DNAAF6: variants seen among roughly 807,000 people sequenced by gnomAD.
DNAAF6 encodes the protein dynein axonemal assembly factor 6.
DNAAF6 carries 3 observed loss-of-function variants against 13.7 expected under a neutral mutation model. The ratio of observed to expected loss-of-function variants is 0.22; its 90% CI spans 0.10 to 0.56. The LOEUF (loss-of-function observed/expected upper bound fraction) is 0.56. Among genes scored for constraint, DNAAF6 ranks in the 20% least tolerant of loss-of-function variants. The pLI, the probability that DNAAF6 is intolerant of heterozygous loss-of-function variation, is 0.92. For missense variants in DNAAF6, 130 were observed against 151.0 expected, an observed-to-expected ratio of 0.86 and a Z score of 0.73; for synonymous variants, 54 against 49.2, an observed-to-expected ratio of 1.10 and a Z score of -0.41.
chrX:107,235,946 GCAAGACCC>G (rs1225732258), intron 5 of DNAAF6, among the ~76,000 whole-genome samples: 78 of 104,021 alleles, frequency 7.5e-4, no homozygotes, highest in Non-Finnish European at 1.4e-3. Context: ...GAGCAATATA[GCAAGACCC>G]CATCTCTACA....
Position 107,211,994 on chromosome X carries a change from C to G in DNAAF6, c.-3-879C>G, listed in dbSNP as rs192287208. Reference sequence around the variant, plus strand: ...AATGACTATTTTGAAATATAACATTCAGATGAATTTAGTCATGCTTCATTT... The same window carrying G: ...AATGACTATTTTGAAATATAACATTGAGATGAATTTAGTCATGCTTCATTT... On this transcript the variant is annotated intron_variant, in intron 1 of 6. Coordinates refer to ENST00000372453, the MANE Select transcript of DNAAF6 (RefSeq NM_173494.2). Among the ~76,000 whole-genome samples, 5 of 111,725 alleles carry G rather than the reference C, an allele frequency of 4.5e-5. No individual in the cohort carries two copies. In the East Asian group the frequency reaches 1.4e-3, roughly 31 times the overall value.
intron 5 of DNAAF6, among the ~76,000 whole-genome samples, chrX:107,225,069 C>T (rs1033671311): frequency 1.9e-5 from 2 of 108,022 alleles, no homozygotes; most frequent in Non-Finnish European, 3.8e-5. Context: ...GGAAAGGTAT[C>T]CAGGCATGAA....
At position 107,213,002 on chromosome X, in the gene DNAAF6, G is replaced by T; in HGVS notation, c.127G>T (p.Glu43Ter). 1 of 1,200,853 alleles carries T rather than the reference G, an allele frequency of 8.3e-7. No homozygotes were observed. The highest frequency in any genetic ancestry group is 1.1e-6 in the Non-Finnish European group (1 of 891,521). ...CCTCTCTAAGCTACTTAATCCTGAAGAAGAGGATGATTCTGACTATGGACA... is the reference window on the plus strand; with the variant it reads ...CCTCTCTAAGCTACTTAATCCTGAATAAGAGGATGATTCTGACTATGGACA... ...EALSKLLNPEEEDDSDYGQTN... is the reference protein window; with the variant it reads ...EALSKLLNPE Residue 43 changes from glutamate (E) to a stop codon, truncating the protein, a stop_gained, in exon 2 of 7, where the codon GAA becomes TAA. Coordinates refer to ENST00000372453, the MANE Select transcript of DNAAF6 (RefSeq NM_173494.2). LOFTEE classifies it high-confidence loss of function.
At chrX:107,215,016 G>C (rs1280699651) in intron 2 of DNAAF6, among the ~76,000 whole-genome samples, 1 of 111,071 alleles carries the variant, frequency 9.0e-6, no homozygotes, top group Non-Finnish European at 1.9e-5. Context: ...ATTATAACGA[G>C]GATGTTCTGT....
chrX:107,225,279 G>A (rs1928230294), intron 5 of DNAAF6, among the ~76,000 whole-genome samples: 1 of 110,942 alleles, frequency 9.0e-6, no homozygotes, highest in African/African-American at 3.3e-5. Context: ...AGAGTAAATA[G>A]GTTGTTGAGC....
chrX:107,236,368 T>C (rs1367383232), intron 5 of DNAAF6, among the ~76,000 whole-genome samples: 4 of 112,132 alleles, frequency 3.6e-5, no homozygotes, highest in Non-Finnish European at 7.5e-5. Context: ...CTATATTTAC[T>C]AATGTTTAAC....
intron 4 of DNAAF6, among the ~76,000 whole-genome samples, chrX:107,220,178 A>G (rs2070301801): frequency 1.8e-5 from 2 of 112,386 alleles, no homozygotes; most frequent in Non-Finnish European, 3.8e-5. Context: ...AAACAGAAGC[A>G]GTGGGAGACT....
At chrX:107,235,015 A>C (rs1189877599) in intron 5 of DNAAF6, among the ~76,000 whole-genome samples, 1 of 111,833 alleles carries the variant, frequency 8.9e-6, no homozygotes, top group Non-Finnish European at 1.9e-5. Context: ...TCACTCAATA[A>C]TGACTCCCTA....
intron 3 of DNAAF6, among the ~76,000 whole-genome samples, chrX:107,217,209 T>A (rs1928014032): frequency 2.7e-5 from 3 of 111,911 alleles, no homozygotes; most frequent in African/African-American, 9.7e-5. Context: ...TCCACATTCC[T>A]TGCATATTTT....
intron 2 of DNAAF6, among the ~76,000 whole-genome samples, chrX:107,216,344 G>A (rs1198923390): frequency 9.0e-6 from 1 of 111,387 alleles, no homozygotes; most frequent in Non-Finnish European, 1.9e-5. Context: ...ACTAATACTT[G>A]GTTCTAACCT....
intron 2 of DNAAF6, among the ~76,000 whole-genome samples, chrX:107,214,460 T>C (rs1460477583): frequency 8.9e-6 from 1 of 111,773 alleles, no homozygotes; most frequent in African/African-American, 3.2e-5. Flanking sequence ...TTACAGAGCC[T>C]ATTCCATTTG....
chrX:107,236,925 A>G (rs906288837), intron 5 of DNAAF6, among the ~76,000 whole-genome samples: 2 of 111,642 alleles, frequency 1.8e-5, no homozygotes, highest in African/African-American at 6.5e-5. Flanking sequence ...TAGAATGCCT[A>G]TTTACTTTGA....
At chrX:107,207,565 A>T (rs1386293009) in intron 1 of DNAAF6, 2 of 111,985 alleles carry the variant, frequency 1.8e-5, no homozygotes, top group Admixed American at 1.9e-4. Context: ...TGTGATAAGG[A>T]TTCAGAACAG....
chrX:107,237,876 G>C (rs1254358257), intron 5 of DNAAF6, among the ~76,000 whole-genome samples: 1 of 112,217 alleles, frequency 8.9e-6, no homozygotes, highest in Admixed American at 9.4e-5. Flanking sequence ...AGCTACTCTG[G>C]AGGCTGAGGC....
intron 2 of DNAAF6, among the ~76,000 whole-genome samples, chrX:107,214,221 T>C (rs943537717): frequency 2.2e-4 from 25 of 111,663 alleles, no homozygotes; most frequent in Admixed American, 1.9e-3. Context: ...ACAAACAGGA[T>C]ACAGGAGAAA....
intron 1 of DNAAF6, among the ~76,000 whole-genome samples, chrX:107,210,902 A>C (rs1329204252): frequency 9.0e-6 from 1 of 111,659 alleles, no homozygotes; most frequent in East Asian, 2.8e-4. Context: ...TTACGTTGGG[A>C]CTATATCCTG....
chrX:107,209,388 A>G (rs1222088248), intron 1 of DNAAF6, among the ~76,000 whole-genome samples: 2 of 112,227 alleles, frequency 1.8e-5, no homozygotes, highest in Non-Finnish European at 1.9e-5. Context: ...TTACATAGGG[A>G]TATATCTATT....
intron 4 of DNAAF6, among the ~76,000 whole-genome samples, chrX:107,220,518 A>C (rs1412202962): frequency 1.8e-5 from 2 of 112,159 alleles, no homozygotes; most frequent in East Asian, 5.5e-4. Context: ...TATTATGAGG[A>C]AAATTGCTTT....
chrX:107,229,378 G>A (rs534481981), intron 5 of DNAAF6, among the ~76,000 whole-genome samples: 2 of 107,973 alleles, frequency 1.9e-5, no homozygotes, highest in South Asian at 8.3e-4. Flanking sequence ...TGCCTGCCTC[G>A]GCCTTTCAAA....
Sources: allele counts gnomAD v4.1 joint callset (sites outside exome capture counted in the v4.1 genomes callset), GRCh38; gene constraint gnomAD v4.1.1; transcripts MANE v1.5; gene names NCBI Gene and HGNC (gene_info 2026-07-23, HGNC 2026-07-21).